PGM5: variants seen among roughly 807,000 people sequenced by gnomAD.
PGM5 encodes the protein phosphoglucomutase 5.
A neutral mutation model predicts 59.2 loss-of-function variants in PGM5; 23 were observed. The ratio of observed to expected loss-of-function variants is 0.39; its 90% CI spans 0.28 to 0.55. PGM5 has a LOEUF of 0.55. PGM5 is among the 20% of genes least tolerant of loss of function. The probability of loss-of-function intolerance (pLI) is 0.66; values close to 1 mark genes in which losing one functional copy is unlikely to be tolerated. For synonymous variants in PGM5, 214 were observed against 286.0 expected (o/e 0.75, Z 2.54); for missense variants, 574 against 748.3 (o/e 0.77, Z 2.72).
intron 6 of PGM5, among the ~76,000 whole-genome samples, chr9:68,454,631 A>G (rs190189646): frequency 3.0e-4 from 45 of 152,266 alleles, no homozygotes; most frequent in Admixed American, 1.4e-3. Flanking sequence ...ACATATTATC[A>G]TTCCATTTTG....
intron 7 of PGM5, among the ~76,000 whole-genome samples, chr9:68,470,639 C>T (rs893155132): frequency 5.9e-5 from 9 of 152,188 alleles, no homozygotes; most frequent in African/African-American, 4.8e-5. Context: ...TGTCTCTTTT[C>T]GCATCTGCCG....
chr9:68,366,701 T>A (rs1188154988), intron 1 of PGM5, among the ~76,000 whole-genome samples: 1 of 152,364 alleles, frequency 6.6e-6, no homozygotes, highest in African/African-American at 2.4e-5. Flanking sequence ...TTGCAACTTA[T>A]ATGACCATGG....
At chr9:68,418,080 G>A (rs1823065608) in intron 6 of PGM5, among the ~76,000 whole-genome samples, 2 of 152,184 alleles carry the variant, frequency 1.3e-5, no homozygotes, top group South Asian at 2.1e-4. Flanking sequence ...TGCTTTGGGG[G>A]CCACCAAGGG....
chr9:68,512,915 T>G (rs568024079), intron 10 of PGM5, among the ~76,000 whole-genome samples: 1 of 152,266 alleles, frequency 6.6e-6, no homozygotes, highest in Non-Finnish European at 1.5e-5. Context: ...TGTAATTGAC[T>G]TAAGATAATT....
At chr9:68,395,904 A>G (rs1453975422) in intron 6 of PGM5, 1 of 151,966 alleles carries the variant, frequency 6.6e-6, no homozygotes, top group Non-Finnish European at 1.5e-5. Flanking sequence ...AGCAGCACCA[A>G]AGAGTGGTAT....
At chr9:68,368,968 C>A (rs1834733245) in intron 1 of PGM5, among the ~76,000 whole-genome samples, 1 of 152,296 alleles carries the variant, frequency 6.6e-6, no homozygotes, top group African/African-American at 2.4e-5. Flanking sequence ...ATTTATACTA[C>A]AGTGTGGGTT....
chr9:68,473,932 A>G (rs1554686452), intron 7 of PGM5, among the ~76,000 whole-genome samples: 1 of 152,058 alleles, frequency 6.6e-6, no homozygotes, highest in Non-Finnish European at 1.5e-5. Flanking sequence ...TGAGAGACCC[A>G]TGGCTGCTTT....
In PGM5 at chr9:68,413,140, A is replaced by G. The variant is rs544420100; in HGVS notation, c.1043+20667A>G. ...CAAAGCAGCATTACTTGAGAGTATC[A>G]TGTGGCTGTTTCTCTATTTAAAGGG... On this transcript the variant is annotated intron_variant, in intron 6 of 10. Coordinates refer to ENST00000396396, the MANE Select transcript of PGM5 (RefSeq NM_021965.4). 4.8e-3 allele frequency among the ~76,000 whole-genome samples: 737 copies of G among 152,286 alleles called. 3 individuals are homozygous for G. Among genetic ancestry groups the G allele is most frequent in the African/African-American group, 0.015 (634 of 41,552 alleles).
chr9:68,489,423 A>ATGTTGT (rs10560976), intron 9 of PGM5, among the ~76,000 whole-genome samples: 152 of 148,892 alleles, frequency 1.0e-3, no homozygotes, highest in African/African-American at 3.6e-3. Context: ...TCCTAATCCT[A>ATGTTGT]TGTTGTTGTT....
At chr9:68,396,530 C>T (rs552223621) in intron 6 of PGM5, 1 of 152,242 alleles carries the variant, frequency 6.6e-6, no homozygotes, top group East Asian at 1.9e-4. Flanking sequence ...CAATAAATCT[C>T]TGTTTCAGTC....
At chr9:68,370,366 C>T (rs569522229) in intron 1 of PGM5, among the ~76,000 whole-genome samples, 2 of 135,266 alleles carry the variant, frequency 1.5e-5, no homozygotes, top group South Asian at 2.6e-4. Flanking sequence ...AGAAATCCTG[C>T]TTTCATGCGT....
At chr9:68,386,262 A>C (rs117336754) in intron 3 of PGM5, among the ~76,000 whole-genome samples, 10,854 of 151,992 alleles carry the variant, frequency 0.071, 377 homozygotes, top group Middle Eastern at 0.19. Context: ...AATATACATA[A>C]CAAAATTTAC....
At chr9:68,427,413 G>A (rs1823255950) in intron 6 of PGM5, among the ~76,000 whole-genome samples, 1 of 152,176 alleles carries the variant, frequency 6.6e-6, no homozygotes, top group Admixed American at 6.5e-5. Context: ...TCTGAGCCAG[G>A]ATGTGAGAAC....
rs146903943 is a variant in PGM5, at chr9:68,407,821, C to A, written c.1043+15348C>A. The stretch of plus-strand genomic sequence containing the variant: ...AGCAAAAGTGAAATAAGAGAAACAT[C>A]CTGAGCAAAAGAATTGCTCTTTGAT... On this transcript the variant is annotated intron_variant, in intron 6 of 10. Transcript: ENST00000396396. Among the ~76,000 whole-genome samples the A allele has an allele frequency of 1.8e-3, 276 of 152,322 alleles. 2 individuals are homozygous for A. The highest frequency in any genetic ancestry group is 6.3e-3 in the African/African-American group (262 of 41,562).
At chr9:68,399,158 G>A (rs1822599767) in intron 6 of PGM5, 1 of 152,050 alleles carries the variant, frequency 6.6e-6, no homozygotes, top group Non-Finnish European at 1.5e-5. Context: ...GCTTCAAACT[G>A]CTGCTTATTT....
chr9:68,438,916 C>T (rs1223354936), intron 6 of PGM5, among the ~76,000 whole-genome samples: 1 of 152,020 alleles, frequency 6.6e-6, no homozygotes, highest in Non-Finnish European at 1.5e-5. Flanking sequence ...GCCATAGCTC[C>T]CAAACAATCC....
chr9:68,499,506 A>G, intron 10 of PGM5, 145 bp downstream of exon 10: 1 of 804,196 alleles, frequency 1.2e-6, no homozygotes, highest in Non-Finnish European at 1.9e-6. Context: ...GGCAACTCCA[A>G]GCAAGTTTAA....
rs1823463474 is a variant in PGM5 at position 68,437,783 on chromosome 9, A to C, written c.1044-27310A>C. On this transcript the variant is annotated intron_variant, in intron 6 of 10. Transcript: ENST00000396396. The surrounding 1 kb of genome is among the most constrained non-coding windows in gnomAD (Gnocchi z 4.1). ...ATATAAAAATCCAAGTTGTTGTGGT[A>C]TTATTGAAAAATTGCAGTTCTGGCA... is the stretch of plus-strand genomic sequence containing the variant. Among the ~76,000 whole-genome samples the C allele has an allele frequency of 6.6e-6, 1 of 152,186 alleles. No homozygotes were observed. The highest frequency in any genetic ancestry group is 1.5e-5 in the Non-Finnish European group (1 of 68,018).
chr9:68,485,461 C>T (rs1206203033), intron 9 of PGM5, among the ~76,000 whole-genome samples: 1 of 152,106 alleles, frequency 6.6e-6, no homozygotes, highest in Non-Finnish European at 1.5e-5. Flanking sequence ...GTGAATAAGT[C>T]TCATGAGATC....
Sources: allele counts gnomAD v4.1 joint callset (sites outside exome capture counted in the v4.1 genomes callset), GRCh38; gene constraint gnomAD v4.1.1; non-coding constraint Gnocchi (gnomAD v3.1); transcripts MANE v1.5; gene names NCBI Gene and HGNC (gene_info 2026-07-23, HGNC 2026-07-21).